The following PARD3B variants were observed in gnomAD, a reference collection of about 807,000 sequenced individuals.
PARD3B encodes the protein partitioning defective 3 homolog B.
A neutral mutation model predicts 130.2 loss-of-function variants in PARD3B; 103 were observed. The ratio of observed to expected loss-of-function variants is 0.79; its 90% CI spans 0.67 to 0.93. The LOEUF is 0.93. Ranked by LOEUF, PARD3B falls within the 40% of genes least tolerant of loss-of-function variation. PARD3B has a pLI of 0.00. For synonymous variants in PARD3B, 583 were observed against 553.2 expected, an observed-to-expected ratio of 1.05 and a Z score of -0.76; for missense variants, 1,609 against 1,499.2, an observed-to-expected ratio of 1.07 and a Z score of -1.21.
intron 20 of PARD3B, among the ~76,000 whole-genome samples, chr2:205,475,894 A>G (rs539518435): frequency 1.3e-5 from 2 of 152,270 alleles, no homozygotes; most frequent in East Asian, 1.9e-4. Flanking sequence ...GTTCTCTCCA[A>G]TATGCTTCCA....
intron 7 of PARD3B, among the ~76,000 whole-genome samples, chr2:205,120,692 T>A (rs1455691282): frequency 6.6e-6 from 1 of 152,140 alleles, no homozygotes; most frequent in East Asian, 1.9e-4. Context: ...TATCCTTCAG[T>A]GGAAAAATGG....
chr2:204,731,848 C>G (rs141685923), intron 2 of PARD3B, among the ~76,000 whole-genome samples: 5 of 152,054 alleles, frequency 3.3e-5, no homozygotes, highest in Non-Finnish European at 7.4e-5. Flanking sequence ...TCTGACCAGA[C>G]GAGGTTGTAT....
intron 18 of PARD3B, among the ~76,000 whole-genome samples, chr2:205,365,129 G>A (rs953144844): frequency 2.0e-5 from 3 of 151,806 alleles, no homozygotes; most frequent in African/African-American, 7.3e-5. Flanking sequence ...GAACCTAAGA[G>A]GCGGAGGTTG....
At chr2:205,096,243 C>G (rs561766790) in intron 4 of PARD3B, among the ~76,000 whole-genome samples, 1 of 150,754 alleles carries the variant, frequency 6.6e-6, no homozygotes, top group East Asian at 1.9e-4. Context: ...CCTTAAAAAT[C>G]TTCTTATCCC....
chr2:204,988,116 G>A (rs1693334281), intron 3 of PARD3B, among the ~76,000 whole-genome samples: 1 of 152,124 alleles, frequency 6.6e-6, no homozygotes, highest in Non-Finnish European at 1.5e-5. Context: ...AGAGAAAAAA[G>A]CTGAGACAAA....
At chr2:204,817,187 T>C (rs1251256204) in intron 2 of PARD3B, among the ~76,000 whole-genome samples, 1 of 152,134 alleles carries the variant, frequency 6.6e-6, no homozygotes, top group Non-Finnish European at 1.5e-5. Context: ...GAGTTCTGCG[T>C]CAGTTTTGAT....
At chr2:205,209,875 T>G (rs2037528992) in intron 15 of PARD3B, among the ~76,000 whole-genome samples, 1 of 152,048 alleles carries the variant, frequency 6.6e-6, no homozygotes, top group Non-Finnish European at 1.5e-5. Flanking sequence ...AATAATGATT[T>G]AATTGTACAT....
intron 14 of PARD3B, among the ~76,000 whole-genome samples, chr2:205,188,725 A>G (rs1308426810): frequency 1.3e-5 from 2 of 150,882 alleles, no homozygotes; most frequent in African/African-American, 4.9e-5. Flanking sequence ...GGATGGAGGA[A>G]GGACTGGAAG....
chr2:205,151,054 G>T (rs948111214), intron 10 of PARD3B, among the ~76,000 whole-genome samples: 2 of 152,154 alleles, frequency 1.3e-5, no homozygotes, highest in Non-Finnish European at 2.9e-5. Context: ...ATGTTAATTA[G>T]CTCAATTTAG....
chr2:204,920,897 C>T (rs1193922245), intron 2 of PARD3B, among the ~76,000 whole-genome samples: 2 of 152,200 alleles, frequency 1.3e-5, no homozygotes, highest in Non-Finnish European at 2.9e-5. Context: ...GTGCTAATCA[C>T]ATTTCCTTTG....
At chr2:204,598,450 T>A (rs1186347366) in intron 1 of PARD3B, among the ~76,000 whole-genome samples, 1 of 152,112 alleles carries the variant, frequency 6.6e-6, no homozygotes, top group Non-Finnish European at 1.5e-5. Flanking sequence ...ACTGGCTGTG[T>A]AACTTTGGGC....
chr2:204,996,490 C>CA (rs1258778257), intron 3 of PARD3B, among the ~76,000 whole-genome samples: 4 of 152,164 alleles, frequency 2.6e-5, no homozygotes, highest in African/African-American at 9.7e-5. Flanking sequence ...TCAAAGCTGT[C>CA]AGACAGGGCC....
rs1261839468 is a variant in PARD3B at position 205,121,362 on chromosome 2, A to G, written c.807-229A>G. ...ACTTACCGAATGTGCTTTCTAAATT[A>G]GAGAAGGATGCATGCTAATAATGCA... On this transcript the variant is annotated intron_variant, in intron 7 of 22. Transcript: ENST00000406610. The surrounding 1 kb of genome is among the most constrained non-coding windows in gnomAD (Gnocchi z 5.0). Among the ~76,000 whole-genome samples the G allele has an allele frequency of 2.0e-5, 3 of 152,202 alleles. No individual in the cohort carries two copies. Among genetic ancestry groups the G allele is most frequent in the Non-Finnish European group, 4.4e-5 (3 of 68,032 alleles).
chr2:204,604,000 A>G (rs914274686), intron 1 of PARD3B, among the ~76,000 whole-genome samples: 2 of 152,172 alleles, frequency 1.3e-5, no homozygotes, highest in Admixed American at 1.3e-4. Flanking sequence ...AGTAGGTCCT[A>G]CCTGCTGGGT....
intron 15 of PARD3B, among the ~76,000 whole-genome samples, chr2:205,213,902 A>T (rs7592913): frequency 0.48 from 73,612 of 151,924 alleles, 18,010 homozygotes; most frequent in Admixed American, 0.56. Flanking sequence ...TTATTTCCTA[A>T]TTGGAGGAAT....
rs536025909 is a variant in PARD3B at position 205,013,948 on chromosome 2, G to A, written c.395-33633G>A. Among the ~76,000 whole-genome samples, 6 of 152,234 alleles carry A rather than the reference G, an allele frequency of 3.9e-5. No homozygotes were observed. The South Asian group carries it at 1.2e-3, about 32-fold the overall frequency. ...TACTGTGAAATCTGCAGACAGAGAA[G>A]GCATTTCATCTGTATTTTTACCTTC... On this transcript the variant is annotated intron_variant, in intron 3 of 22. Transcript: ENST00000406610.
At chr2:205,014,089 T>G (rs1209608326) in intron 3 of PARD3B, among the ~76,000 whole-genome samples, 1 of 152,198 alleles carries the variant, frequency 6.6e-6, no homozygotes, top group East Asian at 1.9e-4. Context: ...CTGAGAAAAG[T>G]CTTCATCTAT....
intron 1 of PARD3B, among the ~76,000 whole-genome samples, chr2:204,603,036 C>T (rs529440836): frequency 6.6e-6 from 1 of 152,182 alleles, no homozygotes; most frequent in South Asian, 2.1e-4. Context: ...ACTGATATTA[C>T]TGATGCTAGG....
intron 3 of PARD3B, among the ~76,000 whole-genome samples, chr2:205,032,379 G>T (rs899108123): frequency 3.9e-5 from 6 of 152,094 alleles, no homozygotes; most frequent in Admixed American, 1.3e-4. Context: ...AGCTGGGCTG[G>T]TGCCACATCA....
Sources: allele counts gnomAD v4.1 joint callset (sites outside exome capture counted in the v4.1 genomes callset), GRCh38; gene constraint gnomAD v4.1.1; non-coding constraint Gnocchi (gnomAD v3.1); transcripts MANE v1.5; gene names NCBI Gene and HGNC (gene_info 2026-07-23, HGNC 2026-07-21).